Variants in PTPRM observed in about 807,000 individuals in gnomAD.
PTPRM encodes protein tyrosine phosphatase receptor type M.
A neutral mutation model predicts 186.7 loss-of-function variants in PTPRM; 47 were observed. The observed-to-expected ratio is 0.25, with a 90% CI of 0.20 to 0.32. The LOEUF is 0.32. Among genes scored for constraint, PTPRM ranks in the 10% least tolerant of loss-of-function variants. The pLI is 1.00. For missense variants in PTPRM, 1,494 were observed against 1,865.0 expected (o/e 0.80, Z 3.66); for synonymous variants, 668 against 674.9 (o/e 0.99, Z 0.16).
chr18:8,368,541 A>G (rs976201008), intron 23 of PTPRM, among the ~76,000 whole-genome samples: 3 of 152,102 alleles, frequency 2.0e-5, no homozygotes, highest in African/African-American at 7.2e-5. Flanking sequence ...AGTATCTGCA[A>G]CTCCTAGCAT....
chr18:8,109,150 A>G (rs939340192), intron 11 of PTPRM, among the ~76,000 whole-genome samples: 20 of 152,232 alleles, frequency 1.3e-4, no homozygotes, highest in Admixed American at 3.3e-4. Context: ...GATGAAAAAC[A>G]CATCAGCTAT....
rs765723760 is a variant in PTPRM, at chr18:7,676,663, ATGTGTG to A, written c.74-97465_74-97460del. ...TGTGTGTGTGTGTGTGTGTGTGTGT[ATGTGTG>A]TGTGTGTGTGTGTGTGTGTGCGCGT... On this transcript the variant is annotated intron_variant, in intron 1 of 32. Coordinates refer to ENST00000580170, the MANE Select transcript of PTPRM (RefSeq NM_001105244.2). Among the ~76,000 whole-genome samples, 312 of 103,166 alleles carry A rather than the reference ATGTGTG, an allele frequency of 3.0e-3. 3 individuals are homozygous for A. Among genetic ancestry groups the A allele is most frequent in the African/African-American group, 8.8e-3 (252 of 28,728 alleles). The allele number at this position is 103,166 out of a possible 152,430, so 67.7% of individuals were successfully genotyped here. A position where few individuals can be genotyped will look rare whatever the true frequency, so the allele number is the denominator to read the frequency against.
In PTPRM at chr18:7,904,050, G is replaced by GT. The variant is rs143084950; in HGVS notation, c.469-2454dup. ...TGAAACATGAAATTCTTGATTTTTC[G>GT]TATGAACTAATGAGATAATGGAATG... is the stretch of plus-strand genomic sequence containing the variant. On this transcript the variant is annotated intron_variant, in intron 3 of 32. Transcript: ENST00000580170. 7.2e-3 allele frequency among the ~76,000 whole-genome samples: 1,091 copies of GT among 152,036 alleles called. 9 individuals carry two copies. The highest frequency in any genetic ancestry group is 9.6e-3 in the Non-Finnish European group (654 of 67,978).
chr18:7,627,520 C>G (rs2038089835), intron 1 of PTPRM, among the ~76,000 whole-genome samples: 1 of 152,172 alleles, frequency 6.6e-6, no homozygotes. Flanking sequence ...GGACCTGACT[C>G]TGGGCCTTAG....
At position 8,340,437 on chromosome 18, in the gene PTPRM, T is replaced by G. The variant is rs571856136; in HGVS notation, c.2957-2986T>G. ...CAATGGATAAGAAAATCACAAAAACTAAGTGTATATTATCAGCCAAGTGAG... is the reference window on the plus strand; with the variant it reads ...CAATGGATAAGAAAATCACAAAAACGAAGTGTATATTATCAGCCAAGTGAG... On this transcript the variant is annotated intron_variant, in intron 22 of 32. Transcript: ENST00000580170. 1.2e-4 allele frequency among the ~76,000 whole-genome samples: 19 copies of G among 152,342 alleles called. No individual in the cohort carries two copies. The East Asian group carries it at 3.1e-3, about 25-fold the overall frequency.
At position 8,244,158 on chromosome 18, in the gene PTPRM, A is replaced by C. The variant is rs1304617802; in HGVS notation, c.2401A>C (p.Asn801His). 19 of 1,600,184 alleles carry C rather than the reference A, an allele frequency of 1.2e-5. 1 individual carries two copies. The Admixed American group carries it at 1.8e-4, about 15-fold the overall frequency. ...CAAGAGCTATGCTGAGCAGGGCACA[A>C]ACTGCGACGAGGCTTTCTCATTCAT... The part of the protein sequence containing the change: ...MDKSYAEQGT[N>H]CDEAFSFMDT... Residue 801 changes from asparagine (N) to histidine (H), a missense_variant, in exon 15 of 33, where the codon AAC (asparagine) becomes CAC (histidine). Coordinates refer to ENST00000580170, the MANE Select transcript of PTPRM (RefSeq NM_001105244.2).
At chr18:7,637,038 C>T (rs1319789335) in intron 1 of PTPRM, among the ~76,000 whole-genome samples, 1 of 151,744 alleles carries the variant, frequency 6.6e-6, no homozygotes, top group African/African-American at 2.4e-5. Context: ...CAAGGTGGTG[C>T]ATGTCTGTAA....
intron 2 of PTPRM, among the ~76,000 whole-genome samples, chr18:7,831,713 ACT>A (rs2045769611): frequency 6.6e-6 from 1 of 151,800 alleles, no homozygotes; most frequent in Non-Finnish European, 1.5e-5. Flanking sequence ...GGTCTTATTC[ACT>A]CTGTTTTTTT....
At chr18:7,686,071 G>T (rs1598371288) in intron 1 of PTPRM, among the ~76,000 whole-genome samples, 1 of 152,138 alleles carries the variant, frequency 6.6e-6, no homozygotes, top group Admixed American at 6.5e-5. Context: ...TCTAACTACT[G>T]CCCTGTCTTT....
In PTPRM at chr18:8,143,797, G is replaced by T. The variant is rs1348806857; in HGVS notation, c.2300+18G>T. 5 of 1,612,930 alleles carry T rather than the reference G, an allele frequency of 3.1e-6. No homozygotes were observed. Among genetic ancestry groups the T allele is most frequent in the Non-Finnish European group, 4.2e-6 (5 of 1,179,068 alleles). On this transcript the variant is annotated intron_variant, in intron 14 of 32. Transcript: ENST00000580170. Reference sequence around the variant, plus strand: ...AAGAAAAGGTGAGCTCCTAGCTGTTGCCAAAGATACAGTTATATCCCATTG... The same window carrying T: ...AAGAAAAGGTGAGCTCCTAGCTGTTTCCAAAGATACAGTTATATCCCATTG...
intron 14 of PTPRM, among the ~76,000 whole-genome samples, chr18:8,166,063 A>T (rs1235742815): frequency 6.6e-6 from 1 of 152,152 alleles, no homozygotes; most frequent in East Asian, 1.9e-4. Context: ...TGGCTTGATC[A>T]TGTTTGTCTC....
chr18:8,387,115 G>T lies in PTPRM; in HGVS notation c.4088G>T (p.Gly1363Val). Residue 1363 changes from glycine to valine, a missense_variant, in exon 31 of 33, where the codon GGC (glycine) becomes GTC (valine). By Grantham distance (109) the Gly-to-Val change is moderately radical (BLOSUM62 -3). This residue lies in a region of PTPRM where 1,107 missense variants were observed against 1,350.2 expected (regional missense o/e 0.82). Coordinates refer to ENST00000580170, the MANE Select transcript of PTPRM (RefSeq NM_001105244.2). ...YRMVQQFQFL[G>V]WPMYRDTPVS... Reference sequence around the variant, plus strand: ...ATGGTGCAGCAATTCCAGTTCCTGGGCTGGCCGATGTACAGGGACACACCA... The same window carrying T: ...ATGGTGCAGCAATTCCAGTTCCTGGTCTGGCCGATGTACAGGGACACACCA... 1 of 1,612,022 alleles carries T rather than the reference G, an allele frequency of 6.2e-7. No individual in the cohort carries two copies. The highest frequency in any genetic ancestry group is 8.5e-7 in the Non-Finnish European group (1 of 1,178,088).
At chr18:8,323,613 G>A (rs950514011) in intron 22 of PTPRM, among the ~76,000 whole-genome samples, 2 of 152,134 alleles carry the variant, frequency 1.3e-5, no homozygotes, top group African/African-American at 4.8e-5. Context: ...TGACAGGGTT[G>A]ACTACCTGAT....
intron 1 of PTPRM, among the ~76,000 whole-genome samples, chr18:7,731,015 T>C (rs2040647178): frequency 6.6e-6 from 1 of 152,192 alleles, no homozygotes; most frequent in African/African-American, 2.4e-5. Context: ...ATCCCTCATC[T>C]ATCATAATTT....
chr18:7,765,402 C>G (rs1206924988), intron 1 of PTPRM, among the ~76,000 whole-genome samples: 2 of 152,182 alleles, frequency 1.3e-5, no homozygotes, highest in African/African-American at 4.8e-5. Flanking sequence ...TTCTATAATG[C>G]TTAGTGTCTG....
chr18:8,014,020 T>C (rs1263460355), intron 7 of PTPRM, among the ~76,000 whole-genome samples: 2 of 152,146 alleles, frequency 1.3e-5, no homozygotes, highest in African/African-American at 2.4e-5. Context: ...CAAGTTAAAA[T>C]GAATAAACCT....
intron 14 of PTPRM, among the ~76,000 whole-genome samples, chr18:8,186,258 G>A (rs915607994): frequency 6.7e-6 from 1 of 148,650 alleles, no homozygotes; most frequent in Non-Finnish European, 1.5e-5. Context: ...CCTGGAAGGC[G>A]AAGGTTGCAG....
chr18:8,225,253 T>A (rs2094199659), intron 14 of PTPRM, among the ~76,000 whole-genome samples: 1 of 152,212 alleles, frequency 6.6e-6, no homozygotes, highest in African/African-American at 2.4e-5. Context: ...GCCTTAGGAT[T>A]TTGTAAGATG....
chr18:8,120,059 C>G (rs933279786), intron 13 of PTPRM, among the ~76,000 whole-genome samples: 2 of 152,054 alleles, frequency 1.3e-5, no homozygotes, highest in African/African-American at 2.4e-5. Flanking sequence ...ATATTTGAGG[C>G]CTTGTGGGCC....
Sources: allele counts gnomAD v4.1 joint callset (sites outside exome capture counted in the v4.1 genomes callset), GRCh38; gene constraint gnomAD v4.1.1; regional missense constraint gnomAD v4.1.1; transcripts MANE v1.5; gene names NCBI Gene and HGNC (gene_info 2026-07-23, HGNC 2026-07-21).